ZNHIT6: variants seen among roughly 807,000 people sequenced by gnomAD.
The protein encoded by ZNHIT6 is zinc finger HIT-type containing 6.
ZNHIT6 carries 45 observed loss-of-function variants against 57.2 expected under a neutral mutation model. That is an observed-to-expected ratio of 0.79 (90% CI 0.62 to 1.01). The LOEUF (loss-of-function observed/expected upper bound fraction) is 1.01. ZNHIT6 is among the 50% of genes least tolerant of loss of function. The pLI is 0.00. For synonymous variants in ZNHIT6, 188 were observed against 190.0 expected (o/e 0.99, Z 0.09); for missense variants, 528 against 567.3 (o/e 0.93, Z 0.70).
rs901540055 is a variant in ZNHIT6, at chr1:85,678,778, TACTCTTTACAACAAAGAA to T, written c.1089-15_1091del. The T allele has an allele frequency of 5.2e-6, 8 of 1,526,696 alleles. No individual in the cohort carries two copies. The highest frequency in any genetic ancestry group is 7.1e-6 in the Non-Finnish European group (8 of 1,122,046). 94.6% of individuals were successfully genotyped at this position (1,526,696 alleles called of 1,614,324 possible). On this transcript the variant is annotated splice_acceptor_variant and splice_polypyrimidine_tract_variant and coding_sequence_variant and intron_variant, in exon 7 of 10. Coordinates refer to ENST00000370574, the MANE Select transcript of ZNHIT6 (RefSeq NM_017953.4). LOFTEE classifies it high-confidence loss of function. ...TTTCATTAATAGTTTTATCATCTGG[TACTCTTTACAACAAAGAA>T]AAAAAAACAAGCTATATTAGTATTT...
chr1:85,699,035 T>C (rs1662457139), intron 5 of ZNHIT6, among the ~76,000 whole-genome samples: 1 of 152,132 alleles, frequency 6.6e-6, no homozygotes. Flanking sequence ...TCACCTAATG[T>C]ATAATCAAAT....
rs368490479 is a variant in ZNHIT6, at chr1:85,704,594, C to T, written c.915+1484G>A. Among the ~76,000 whole-genome samples the T allele has an allele frequency of 1.5e-4, 23 of 151,828 alleles. No homozygotes were observed. In the East Asian group the frequency reaches 3.1e-3, roughly 20 times the overall value. On this transcript the variant is annotated intron_variant, in intron 4 of 9. Coordinates refer to ENST00000370574, the MANE Select transcript of ZNHIT6 (RefSeq NM_017953.4). The stretch of plus-strand genomic sequence containing the variant: ...CATTTTGTGATGTTTAGAAAATATA[C>T]TTGCTATATTTCACAATTTAAAAAA...
chr1:85,685,930 A>T (rs575557819), intron 5 of ZNHIT6, among the ~76,000 whole-genome samples: 1 of 151,916 alleles, frequency 6.6e-6, no homozygotes, highest in Non-Finnish European at 1.5e-5. Flanking sequence ...CAGTGATAGA[A>T]AGAACAGGAA....
chr1:85,663,740 T>TA (rs1039465215), intron 8 of ZNHIT6, among the ~76,000 whole-genome samples: 31 of 152,212 alleles, frequency 2.0e-4, no homozygotes, highest in Admixed American at 1.6e-3. Flanking sequence ...GGTCTGGTGG[T>TA]AAAAAACTCC....
chr1:85,667,961 A>AAAAAAAAAAAAAAAATGTGTATATAT lies in ZNHIT6; in HGVS notation c.1247+9274_1247+9275insATATATACACATTTTTTTTTTTTTTT. 2.2e-4 allele frequency among the ~76,000 whole-genome samples: 4 copies of AAAAAAAAAAAAAAAATGTGTATATAT among 18,200 alleles called. 2 individuals carry two copies. The highest frequency in any genetic ancestry group is 4.0e-4 in the Non-Finnish European group (4 of 10,104). 11.9% of individuals were successfully genotyped at this position (18,200 alleles called of 152,430 possible). A position where few individuals can be genotyped will look rare whatever the true frequency, so the allele number is the denominator to read the frequency against. ...ACTCTCTCTTTCAAAAAAAAAAAAAAATATATATATATATATATATATATG... is the reference window on the plus strand; with the variant it reads ...ACTCTCTCTTTCAAAAAAAAAAAAAAAAAAAAAAAAAAAAATGTGTATATATATATATATATATATATATATATATG... On this transcript the variant is annotated intron_variant, in intron 8 of 9. Transcript: ENST00000370574.
At chr1:85,668,006 A>G (rs1661435229) in intron 8 of ZNHIT6, among the ~76,000 whole-genome samples, 1 of 127,090 alleles carries the variant, frequency 7.9e-6, no homozygotes, top group Admixed American at 8.8e-5. Flanking sequence ...CTAAGTTAGA[A>G]ATCTTACTTG....
chr1:85,706,062 T>C lies in ZNHIT6; in HGVS notation c.915+16A>G, dbSNP rs779255371. On this transcript the variant is annotated intron_variant, in intron 4 of 9. Transcript: ENST00000370574. ...TGAAGGACTTCTAACTGGAAGAAAT[T>C]AGGAAAAAATCTTACATATTTATTG... The C allele has an allele frequency of 2.3e-5, 37 of 1,586,926 alleles. No homozygotes were observed. The Middle Eastern group carries it at 5.1e-4, about 22-fold the overall frequency.
At chr1:85,658,040 T>C (rs1380674070) in intron 8 of ZNHIT6, 69 bp from the exon 9 acceptor site, 3 of 1,077,744 alleles carry the variant, frequency 2.8e-6, no homozygotes, top group South Asian at 1.8e-5. Context: ...TAGATAAATA[T>C]ATGAGAGTAT....
At chr1:85,688,354 CTA>C (rs934299481) in intron 5 of ZNHIT6, among the ~76,000 whole-genome samples, 1 of 152,172 alleles carries the variant, frequency 6.6e-6, no homozygotes, top group African/African-American at 2.4e-5. Flanking sequence ...CCTCTTAACT[CTA>C]GAGTCCATAC....
chr1:85,677,859 A>G (rs1661749761), intron 7 of ZNHIT6, among the ~76,000 whole-genome samples: 2 of 152,240 alleles, frequency 1.3e-5, no homozygotes. Context: ...CCATCTGGTG[A>G]AAATAAAGTC....
At chr1:85,692,288 G>A (rs912628530) in intron 5 of ZNHIT6, among the ~76,000 whole-genome samples, 5 of 152,272 alleles carry the variant, frequency 3.3e-5, no homozygotes, top group South Asian at 2.1e-4. Context: ...CAAGATGATC[G>A]AGTGTTTGGC....
chr1:85,695,863 T>C (rs1289835639), intron 5 of ZNHIT6, among the ~76,000 whole-genome samples: 1 of 152,202 alleles, frequency 6.6e-6, no homozygotes, highest in Non-Finnish European at 1.5e-5. Context: ...GGTGAAACCC[T>C]GTCTCTACTA....
chr1:85,677,429 T>C lies in ZNHIT6; in HGVS notation c.1170-116A>G, dbSNP rs72726358. On this transcript the variant is annotated intron_variant, in intron 7 of 9. Coordinates refer to ENST00000370574, the MANE Select transcript of ZNHIT6 (RefSeq NM_017953.4). ...ACTTAAAAGTTCATGTATTTAAGCATAGAAAAGGAGATAAAGATGTTTTCT... is the reference window on the plus strand; with the variant it reads ...ACTTAAAAGTTCATGTATTTAAGCACAGAAAAGGAGATAAAGATGTTTTCT... 6.3e-3 allele frequency: 4,401 copies of C among 699,148 alleles called. 22 individuals are homozygous for C. Among genetic ancestry groups the C allele is most frequent in the Non-Finnish European group, 8.4e-3 (3,875 of 460,164 alleles). The allele number at this position is 699,148 out of a possible 1,614,324, so 43.3% of individuals were successfully genotyped here.
chr1:85,699,597 A>C (rs1662471432), intron 5 of ZNHIT6, among the ~76,000 whole-genome samples: 1 of 152,134 alleles, frequency 6.6e-6, no homozygotes, highest in Non-Finnish European at 1.5e-5. Context: ...TAAAATAGGC[A>C]CTCATACTTT....
intron 8 of ZNHIT6, among the ~76,000 whole-genome samples, chr1:85,674,867 C>A (rs1298044025): frequency 6.6e-6 from 1 of 152,122 alleles, no homozygotes; most frequent in African/African-American, 2.4e-5. Flanking sequence ...CCTCTTCTTC[C>A]AAAATTCAAG....
Position 85,679,563 on chromosome 1 carries a change from G to GTTT in ZNHIT6, c.1089-785_1089-783dup, listed in dbSNP as rs35523771. 3.9e-3 allele frequency among the ~76,000 whole-genome samples: 525 copies of GTTT among 135,186 alleles called. 2 individuals are homozygous for GTTT. Among genetic ancestry groups the GTTT allele is most frequent in the African/African-American group, 6.2e-3 (229 of 36,674 alleles). The allele number at this position is 135,186 out of a possible 152,430, so 88.7% of individuals were successfully genotyped here. ...TGAAATAGTTCACAAACATTAAAAT[G>GTTT]TTTTTTTTTTTTTTTTTTAATTTTT... On this transcript the variant is annotated intron_variant, in intron 6 of 9. Transcript: ENST00000370574.
intron 8 of ZNHIT6, among the ~76,000 whole-genome samples, chr1:85,671,878 T>C (rs1007926550): frequency 5.3e-5 from 8 of 152,186 alleles, no homozygotes; most frequent in African/African-American, 1.9e-4. Flanking sequence ...GAAGTTCTCA[T>C]GATTTGGTTT....
chr1:85,662,004 C>T (rs146235148), intron 8 of ZNHIT6, among the ~76,000 whole-genome samples: 1 of 152,180 alleles, frequency 6.6e-6, no homozygotes, highest in African/African-American at 2.4e-5. Flanking sequence ...GCTCAGTGGG[C>T]CAAACAGGTG....
Position 85,708,003 on chromosome 1 carries a change from G to A in ZNHIT6, c.282C>T (p.Gly94=), listed in dbSNP as rs761719641. The A allele has an allele frequency of 6.2e-7, 1 of 1,613,900 alleles. No homozygotes were observed. ...CCTCCACCTCCTGTTCTACCCACTG[G>A]CCAGCCAACCTGCCTTCTGTACCTG... ...DWPGTEGRLA[G]QWVEQEVEDR... is the part of the protein sequence containing the mutation. Residue 94 remains glycine (G), a synonymous_variant, in exon 1 of 10, where the codon GGC becomes GGT. Coordinates refer to ENST00000370574, the MANE Select transcript of ZNHIT6 (RefSeq NM_017953.4).
Sources: allele counts gnomAD v4.1 joint callset (sites outside exome capture counted in the v4.1 genomes callset), GRCh38; gene constraint gnomAD v4.1.1; transcripts MANE v1.5; gene names NCBI Gene and HGNC (gene_info 2026-07-23, HGNC 2026-07-21).